Variants in NDST4 observed in about 807,000 individuals in gnomAD.
NDST4 encodes the protein N-heparan sulfate sulfotransferase 4.
Under a neutral mutation model 100.8 loss-of-function variants are expected in NDST4, and 63 were observed. That is an observed-to-expected ratio of 0.62 (90% CI 0.51 to 0.77). NDST4 has a LOEUF of 0.77. Ranked by LOEUF, NDST4 falls within the 30% of genes least tolerant of loss-of-function variation. The pLI is 0.00. For synonymous variants in NDST4, 377 were observed against 361.8 expected (o/e 1.04, Z -0.48); for missense variants, 943 against 1,018.4 (o/e 0.93, Z 1.01).
chr4:114,977,302 T>C (rs375842760), intron 2 of NDST4, 28 bp from the exon 3 acceptor site: 1 of 1,478,236 alleles, frequency 6.8e-7, no homozygotes, highest in Non-Finnish European at 9.3e-7. Flanking sequence ...TTAACATGAT[T>C]TTAGAAAAAT....
intron 6 of NDST4, among the ~76,000 whole-genome samples, chr4:114,902,835 G>T (rs11945934): frequency 0.16 from 23,932 of 151,770 alleles, 2,364 homozygotes; most frequent in African/African-American, 0.29. Context: ...TTTCCCCTTA[G>T]CTGCATCCAA....
At chr4:114,867,887 AT>A (rs1382767343) in intron 7 of NDST4, among the ~76,000 whole-genome samples, 1 of 152,090 alleles carries the variant, frequency 6.6e-6, no homozygotes. Flanking sequence ...GAAAGAATCA[AT>A]TTCCAGTGAG....
intron 3 of NDST4, among the ~76,000 whole-genome samples, chr4:114,974,728 T>C (rs550838934): frequency 5.3e-5 from 8 of 152,274 alleles, no homozygotes; most frequent in Middle Eastern, 3.4e-3. Context: ...TGAATGACTT[T>C]AGGAAAAGCT....
At chr4:114,830,736 G>T (rs191599104) in intron 12 of NDST4, among the ~76,000 whole-genome samples, 1 of 152,184 alleles carries the variant, frequency 6.6e-6, no homozygotes, top group African/African-American at 2.4e-5. Context: ...CATCGAAAAG[G>T]TTTGCATTTT....
intron 6 of NDST4, among the ~76,000 whole-genome samples, chr4:114,886,856 A>C (rs943199415): frequency 1.3e-5 from 2 of 152,200 alleles, no homozygotes; most frequent in African/African-American, 4.8e-5. Context: ...CGAATTTTTG[A>C]ATACTTTTGT....
chr4:114,900,555 A>G lies in NDST4; in HGVS notation c.1537-29605T>C, dbSNP rs560807231. Among the ~76,000 whole-genome samples the G allele has an allele frequency of 1.7e-4, 26 of 152,292 alleles. No individual in the cohort carries two copies. In the East Asian group the frequency reaches 5.0e-3, roughly 29 times the overall value. On this transcript the variant is annotated intron_variant, in intron 6 of 13. Transcript: ENST00000264363. ...TTTAGATATGCTTAGATACACAAAT[A>G]CCAACCACTGTGTTACAATTGCCTA...
At chr4:115,052,595 T>C (rs1485384739) in intron 2 of NDST4, among the ~76,000 whole-genome samples, 1 of 151,988 alleles carries the variant, frequency 6.6e-6, no homozygotes, top group East Asian at 1.9e-4. Flanking sequence ...CTACACAAGC[T>C]CTCTTGCCTG....
At chr4:114,933,202 G>A (rs1224920139) in intron 6 of NDST4, among the ~76,000 whole-genome samples, 4 of 152,040 alleles carry the variant, frequency 2.6e-5, no homozygotes, top group Admixed American at 2.6e-4. Flanking sequence ...GCCAGAGGTT[G>A]CAAGAATACA....
At chr4:114,864,614 G>C (rs1412294073) in intron 7 of NDST4, among the ~76,000 whole-genome samples, 1 of 152,156 alleles carries the variant, frequency 6.6e-6, no homozygotes, top group Non-Finnish European at 1.5e-5. Context: ...GAAAAACTGA[G>C]AGACATCTTT....
chr4:115,071,739 A>T (rs1729082712), intron 2 of NDST4, among the ~76,000 whole-genome samples: 1 of 151,958 alleles, frequency 6.6e-6, no homozygotes, highest in African/African-American at 2.4e-5. Flanking sequence ...TTGTACTACC[A>T]GAAAAAAAAA....
intron 2 of NDST4, among the ~76,000 whole-genome samples, chr4:114,978,131 T>C (rs1480503436): frequency 6.6e-6 from 1 of 152,038 alleles, no homozygotes. Flanking sequence ...GAATGCTTTT[T>C]CTATTTTTAA....
At chr4:114,887,879 G>C (rs1724512502) in intron 6 of NDST4, among the ~76,000 whole-genome samples, 1 of 152,072 alleles carries the variant, frequency 6.6e-6, no homozygotes, top group Non-Finnish European at 1.5e-5. Flanking sequence ...TTTAATGATA[G>C]ATAAAAGGAG....
chr4:114,875,875 A>C (rs2126198812), intron 6 of NDST4, among the ~76,000 whole-genome samples: 1 of 152,346 alleles, frequency 6.6e-6, no homozygotes, highest in East Asian at 1.9e-4. Context: ...TGACAAATAG[A>C]ATGGTATTGT....
chr4:114,835,441 T>A (rs991642478), intron 11 of NDST4, among the ~76,000 whole-genome samples: 1 of 152,242 alleles, frequency 6.6e-6, no homozygotes, highest in Non-Finnish European at 1.5e-5. Context: ...GTGAGTTTCT[T>A]AATCCTGAGT....
At chr4:114,911,522 ATATTTTTTCT>A (rs1201345141) in intron 6 of NDST4, among the ~76,000 whole-genome samples, 3 of 152,154 alleles carry the variant, frequency 2.0e-5, no homozygotes, top group Non-Finnish European at 4.4e-5. Context: ...GAAAGCATGG[ATATTTTTTCT>A]TATGTCTCTG....
intron 2 of NDST4, among the ~76,000 whole-genome samples, chr4:114,989,227 T>C (rs1191278716): frequency 6.6e-6 from 1 of 152,176 alleles, no homozygotes; most frequent in Non-Finnish European, 1.5e-5. Flanking sequence ...AATGGTAACA[T>C]TTTCCAGTAC....
chr4:114,898,453 T>C (rs1724764538), intron 6 of NDST4, among the ~76,000 whole-genome samples: 1 of 152,248 alleles, frequency 6.6e-6, no homozygotes, highest in South Asian at 2.1e-4. Context: ...TTGATACCTG[T>C]AGCTTTATAC....
chr4:114,890,607 A>G (rs576485558), intron 6 of NDST4, among the ~76,000 whole-genome samples: 1 of 152,216 alleles, frequency 6.6e-6, no homozygotes, highest in East Asian at 1.9e-4. Context: ...GCTAAGCAAT[A>G]GTTAGAGATT....
rs532075480 is a variant in NDST4 at position 114,971,109 on chromosome 4, T to C, written c.1067-525A>G. On this transcript the variant is annotated intron_variant, in intron 3 of 13. Coordinates refer to ENST00000264363, the MANE Select transcript of NDST4 (RefSeq NM_022569.3). ...TAGAGCTAACCAGTAAAAACATTTT[T>C]GTATTATTTTCAAAAATCTTTTTCT... 3.4e-4 allele frequency among the ~76,000 whole-genome samples: 52 copies of C among 152,090 alleles called. 1 individual carries two copies. The East Asian group carries it at 9.4e-3, about 28-fold the overall frequency.
Sources: gnomAD v4.1 joint callset for allele counts (sites outside exome capture counted in the v4.1 genomes callset) on GRCh38, gnomAD v4.1.1 for gene constraint, MANE v1.5 for transcripts, NCBI Gene and HGNC (gene_info 2026-07-23, HGNC 2026-07-21) for gene names.